The following MVB12B variants were observed in gnomAD, a reference collection of about 807,000 sequenced individuals.
MVB12B encodes the protein multivesicular body subunit 12B.
A neutral mutation model predicts 41.6 loss-of-function variants in MVB12B; 16 were observed. The ratio of observed to expected loss-of-function variants is 0.38; its 90% CI spans 0.26 to 0.58. The LOEUF (loss-of-function observed/expected upper bound fraction) is 0.58, where lower values mean the gene tolerates loss of function less well. MVB12B is among the 20% of genes least tolerant of loss of function. The probability of loss-of-function intolerance (pLI) is 0.62; values close to 1 mark genes in which losing one functional copy is unlikely to be tolerated. For synonymous variants in MVB12B, 133 were observed against 139.7 expected (o/e 0.95, Z 0.34); for missense variants, 274 against 380.2 (o/e 0.72, Z 2.32).
At chr9:126,404,195 T>G (rs1455746164) in intron 6 of MVB12B, among the ~76,000 whole-genome samples, 9 of 152,138 alleles carry the variant, frequency 5.9e-5, no homozygotes, top group Non-Finnish European at 1.3e-4. Context: ...CCTCAAGTGA[T>G]CCGCCTGCCT....
At chr9:126,498,499 C>T (rs900034634) in intron 9 of MVB12B, among the ~76,000 whole-genome samples, 1 of 152,250 alleles carries the variant, frequency 6.6e-6, no homozygotes, top group African/African-American at 2.4e-5. Flanking sequence ...CTGGCCCTAT[C>T]GTGATTCACC....
intron 7 of MVB12B, among the ~76,000 whole-genome samples, chr9:126,422,223 G>A (rs1832043237): frequency 1.3e-5 from 2 of 152,158 alleles, no homozygotes; most frequent in African/African-American, 4.8e-5. Flanking sequence ...GAGAATACTC[G>A]CCACATTGTT....
chr9:126,371,892 T>C (rs1830349599), intron 2 of MVB12B, among the ~76,000 whole-genome samples: 1 of 152,224 alleles, frequency 6.6e-6, no homozygotes, highest in Non-Finnish European at 1.5e-5. Context: ...ATATAATTCA[T>C]ATACCACAAA....
At chr9:126,370,027 A>C (rs1374017243) in intron 2 of MVB12B, among the ~76,000 whole-genome samples, 3 of 151,944 alleles carry the variant, frequency 2.0e-5, no homozygotes, top group African/African-American at 7.3e-5. Flanking sequence ...ATGTATTTTC[A>C]AGGGGTATAG....
chr9:126,419,961 G>T (rs182197318), intron 6 of MVB12B, among the ~76,000 whole-genome samples: 214 of 152,258 alleles, frequency 1.4e-3, no homozygotes, highest in Non-Finnish European at 2.4e-3. Context: ...TTGTAATGGT[G>T]TTTGGCGCCC....
chr9:126,419,640 G>C (rs908895119), intron 6 of MVB12B, among the ~76,000 whole-genome samples: 4 of 152,296 alleles, frequency 2.6e-5, no homozygotes, highest in Admixed American at 2.6e-4. Flanking sequence ...TGTTTGCTCA[G>C]CTTCATTGAC....
chr9:126,451,399 T>G (rs1252878770), intron 7 of MVB12B, among the ~76,000 whole-genome samples: 6 of 151,736 alleles, frequency 4.0e-5, no homozygotes, highest in African/African-American at 1.5e-4. Context: ...CACCTCCAGG[T>G]GGAGGAGGGT....
chr9:126,396,424 C>T (rs954674955), intron 6 of MVB12B: 6 of 985,344 alleles, frequency 6.1e-6, no homozygotes, highest in South Asian at 4.7e-5. Context: ...AAAACAAGAA[C>T]GGTGAGGCAG....
At chr9:126,496,607 C>T (rs998255902) in intron 9 of MVB12B, among the ~76,000 whole-genome samples, 9 of 151,970 alleles carry the variant, frequency 5.9e-5, no homozygotes, top group African/African-American at 1.2e-4. Flanking sequence ...GGAAGGAACA[C>T]GCTTCCCAGA....
chr9:126,338,737 T>C (rs2118814919), intron 1 of MVB12B, among the ~76,000 whole-genome samples: 1 of 152,340 alleles, frequency 6.6e-6, no homozygotes, highest in East Asian at 1.9e-4. Context: ...AGCAATGTTA[T>C]TTTCATGTTA....
intron 2 of MVB12B, among the ~76,000 whole-genome samples, chr9:126,345,890 A>C (rs1359809879): frequency 6.6e-6 from 1 of 152,178 alleles, no homozygotes; most frequent in Non-Finnish European, 1.5e-5. Context: ...ACTTTTTCTG[A>C]CCATTACTCA....
intron 7 of MVB12B, among the ~76,000 whole-genome samples, chr9:126,464,051 C>T (rs933008258): frequency 6.6e-6 from 1 of 152,158 alleles, no homozygotes; most frequent in Non-Finnish European, 1.5e-5. Context: ...ACTTTATTCA[C>T]TCATCTGTCT....
At position 126,501,043 on chromosome 9, in the gene MVB12B, C is replaced by T. The variant is rs1329477632; in HGVS notation, c.874-2134C>T. 5.9e-5 allele frequency among the ~76,000 whole-genome samples: 9 copies of T among 152,248 alleles called. No homozygotes were observed. The East Asian group carries it at 1.3e-3, about 23-fold the overall frequency. Reference sequence around the variant, plus strand: ...GAATTTGCCGCTGTTCCCTGCCGTGCATGTGCCCAGGCGGCCACCAGGTGG... The same window carrying T: ...GAATTTGCCGCTGTTCCCTGCCGTGTATGTGCCCAGGCGGCCACCAGGTGG... On this transcript the variant is annotated intron_variant, in intron 9 of 9. Transcript: ENST00000361171.
intron 2 of MVB12B, among the ~76,000 whole-genome samples, chr9:126,369,625 A>C (rs938314196): frequency 6.6e-6 from 1 of 151,664 alleles, no homozygotes; most frequent in Non-Finnish European, 1.5e-5. Flanking sequence ...CGTCACACTT[A>C]TATGTATTTT....
At chr9:126,461,239 C>A (rs1374737220) in intron 7 of MVB12B, among the ~76,000 whole-genome samples, 1 of 152,280 alleles carries the variant, frequency 6.6e-6, no homozygotes, top group African/African-American at 2.4e-5. Context: ...ACCCCCACAA[C>A]CGCCGAAGGC....
chr9:126,461,352 G>T (rs1833085042), intron 7 of MVB12B, among the ~76,000 whole-genome samples: 2 of 151,978 alleles, frequency 1.3e-5, no homozygotes, highest in Non-Finnish European at 2.9e-5. Flanking sequence ...AAACAATCGA[G>T]AAACAATTTT....
chr9:126,397,603 A>G, intron 6 of MVB12B: 1 of 985,372 alleles, frequency 1.0e-6, no homozygotes, highest in Non-Finnish European at 1.2e-6. Context: ...AATGTTCATT[A>G]GTGCTTCCAA....
At chr9:126,385,586 TA>T (rs1830762086) in intron 3 of MVB12B, among the ~76,000 whole-genome samples, 1 of 152,152 alleles carries the variant, frequency 6.6e-6, no homozygotes, top group East Asian at 1.9e-4. Flanking sequence ...GCTGAACAAG[TA>T]AACAGAGAGC....
chr9:126,494,762 A>C (rs896180646), intron 9 of MVB12B, among the ~76,000 whole-genome samples: 1 of 152,150 alleles, frequency 6.6e-6, no homozygotes, highest in South Asian at 2.1e-4. Flanking sequence ...TGTGGTTTTA[A>C]ATCTCTTCTA....
Sources: allele counts gnomAD v4.1 joint callset (sites outside exome capture counted in the v4.1 genomes callset), GRCh38; gene constraint gnomAD v4.1.1; transcripts MANE v1.5; gene names NCBI Gene and HGNC (gene_info 2026-07-23, HGNC 2026-07-21).